PALS2: variants seen among roughly 807,000 people sequenced by gnomAD.
PALS2 encodes protein associated with LIN7 2, MAGUK p55 family member, also known as protein PALS2.
In PALS2, 27 loss-of-function variants were observed where a neutral mutation model predicts 61.6. That is an observed-to-expected ratio of 0.44 (90% CI 0.32 to 0.60). PALS2 has a LOEUF of 0.60. Among genes scored for constraint, PALS2 ranks in the 20% least tolerant of loss-of-function variants. PALS2 has a pLI of 0.05. For missense variants in PALS2, 554 were observed against 639.4 expected (o/e 0.87, Z 1.44); for synonymous variants, 236 against 218.6 (o/e 1.08, Z -0.70).
At chr7:24,662,768 GAAAAAAAAAAA>G (rs59367702) in intron 5 of PALS2, among the ~76,000 whole-genome samples, 6 of 102,614 alleles carry the variant, frequency 5.8e-5, no homozygotes, top group Non-Finnish European at 9.1e-5. Flanking sequence ...GACTCCATCT[GAAAAAAAAAAA>G]AAAAAAAAAA....
At chr7:24,582,888 T>G (rs1370117834) in intron 1 of PALS2, among the ~76,000 whole-genome samples, 1 of 132,172 alleles carries the variant, frequency 7.6e-6, no homozygotes, top group African/African-American at 2.9e-5. Context: ...TCATGCTTTT[T>G]TTTTTTTTTT....
chr7:24,680,696 A>G (rs1280556829), intron 11 of PALS2, among the ~76,000 whole-genome samples, 176 bp downstream of exon 11: 1 of 152,192 alleles, frequency 6.6e-6, no homozygotes. Flanking sequence ...CCCGGGTTCA[A>G]GCGATTCTCC....
chr7:24,591,621 A>C (rs1399912314), intron 1 of PALS2, among the ~76,000 whole-genome samples: 1 of 152,154 alleles, frequency 6.6e-6, no homozygotes, highest in Admixed American at 6.6e-5. Context: ...TATTCAAGAT[A>C]GTTATGGTGT....
At position 24,690,147 on chromosome 7, in the gene PALS2, A is replaced by T. The variant is rs1324167201; in HGVS notation, c.*2533A>T. 1 of 152,226 alleles carries T rather than the reference A, an allele frequency of 6.6e-6. No individual in the cohort carries two copies. Among genetic ancestry groups the T allele is most frequent in the East Asian group, 1.9e-4 (1 of 5,200 alleles). The allele number at this position is 152,226 out of a possible 1,614,324, so 9.4% of individuals were successfully genotyped here. A position where few individuals can be genotyped will look rare whatever the true frequency, so the allele number is the denominator to read the frequency against. ...TGCAGTTTAGTTCATTTCAGTCTAG[A>T]TGCCCGTACTAACAAGAATACAGTT... is the stretch of plus-strand genomic sequence containing the variant. On this transcript the variant is annotated 3_prime_UTR_variant, in exon 12 of 12. Coordinates refer to ENST00000222644, the MANE Select transcript of PALS2 (RefSeq NM_001303037.2).
chr7:24,609,083 A>AC (rs1387458028), intron 1 of PALS2, among the ~76,000 whole-genome samples: 1 of 152,160 alleles, frequency 6.6e-6, no homozygotes, highest in Non-Finnish European at 1.5e-5. Context: ...TATTCTCAGC[A>AC]CCATCTGTTT....
At chr7:24,587,310 T>C (rs1480056893) in intron 1 of PALS2, among the ~76,000 whole-genome samples, 1 of 151,974 alleles carries the variant, frequency 6.6e-6, no homozygotes, top group Non-Finnish European at 1.5e-5. Context: ...TTTTAAATTA[T>C]TAAATTATTA....
chr7:24,684,609 A>G (rs1381300218), intron 11 of PALS2, among the ~76,000 whole-genome samples: 1 of 152,354 alleles, frequency 6.6e-6, no homozygotes, highest in Admixed American at 6.5e-5. Context: ...AAGGGTGTAC[A>G]TTAAACTTAG....
intron 5 of PALS2, among the ~76,000 whole-genome samples, chr7:24,655,037 C>A (rs1045703741): frequency 1.3e-5 from 2 of 152,138 alleles, no homozygotes; most frequent in South Asian, 2.1e-4. Context: ...GTTCAGTAAA[C>A]ATATAAAGAT....
intron 1 of PALS2, among the ~76,000 whole-genome samples, chr7:24,593,593 G>T (rs889666674): frequency 6.6e-6 from 1 of 152,136 alleles, no homozygotes; most frequent in Non-Finnish European, 1.5e-5. Flanking sequence ...AACAGATGTT[G>T]TATTAGCAGG....
chr7:24,591,948 A>G (rs1311423511), intron 1 of PALS2, among the ~76,000 whole-genome samples: 1 of 152,082 alleles, frequency 6.6e-6, no homozygotes, highest in African/African-American at 2.4e-5. Context: ...ATGATTGGGG[A>G]CCATTTTGTG....
intron 2 of PALS2, among the ~76,000 whole-genome samples, chr7:24,638,322 C>CTTTTTTTTTTTTTTTTCTTTTTTTTTTT (rs1785342710): frequency 8.4e-5 from 1 of 11,926 alleles, no homozygotes. Context: ...TCTGTATTTT[C>CTTTTTTTTTTTTTTTTCTTTTTTTTTTT]TTTTTTTTTT....
intron 10 of PALS2, 74 bp from the exon 11 acceptor site, chr7:24,680,318 G>A: frequency 6.9e-7 from 1 of 1,446,326 alleles, no homozygotes; most frequent in Non-Finnish European, 9.6e-7. Flanking sequence ...AACAGCCTTT[G>A]ATATATACTA....
chr7:24,591,198 T>C lies in PALS2; in HGVS notation c.-3+17605T>C, dbSNP rs554538064. On this transcript the variant is annotated intron_variant, in intron 1 of 11. Coordinates refer to ENST00000222644, the MANE Select transcript of PALS2 (RefSeq NM_001303037.2). ...TAATAGTTTTGAGGTATACTATGTC[T>C]ATTAGGACCAACTGACCTTAGGAAA... is the stretch of plus-strand genomic sequence containing the variant. Among the ~76,000 whole-genome samples the C allele has an allele frequency of 9.9e-5, 15 of 152,266 alleles. 1 individual carries two copies. The East Asian group carries it at 2.9e-3, about 29-fold the overall frequency.
rs543372340 is a variant in PALS2 at position 24,685,629 on chromosome 7, T to G, written c.1447-1809T>G. Reference sequence around the variant, plus strand: ...TTCCTGTTCCATCTGTATGGCATACTCCGTTATTGTTAACAGGGTTTTTTT... The same window carrying G: ...TTCCTGTTCCATCTGTATGGCATACGCCGTTATTGTTAACAGGGTTTTTTT... On this transcript the variant is annotated intron_variant, in intron 11 of 11. Coordinates refer to ENST00000222644, the MANE Select transcript of PALS2 (RefSeq NM_001303037.2). Among the ~76,000 whole-genome samples the G allele has an allele frequency of 4.7e-5, 7 of 149,912 alleles. No individual in the cohort carries two copies. The South Asian group carries it at 1.1e-3, about 23-fold the overall frequency.
At chr7:24,663,509 C>T (rs1786848681) in intron 5 of PALS2, 81 bp from the exon 6 acceptor site, 2 of 1,311,134 alleles carry the variant, frequency 1.5e-6, no homozygotes, top group Non-Finnish European at 2.1e-6. Context: ...ACAATTAAAT[C>T]AGAGTGGTTT....
chr7:24,613,608 T>C (rs1784189273), intron 1 of PALS2, among the ~76,000 whole-genome samples: 1 of 151,838 alleles, frequency 6.6e-6, no homozygotes, highest in Non-Finnish European at 1.5e-5. Context: ...CATTCGAATA[T>C]CCTCTCTTCA....
intron 1 of PALS2, among the ~76,000 whole-genome samples, chr7:24,578,584 T>C (rs930569586): frequency 3.9e-5 from 6 of 152,208 alleles, no homozygotes; most frequent in African/African-American, 1.4e-4. Context: ...TCATTCCTTC[T>C]CTTGCTGCAG....
chr7:24,654,756 A>G (rs139315843), intron 5 of PALS2, among the ~76,000 whole-genome samples: 2 of 152,210 alleles, frequency 1.3e-5, no homozygotes, highest in Non-Finnish European at 2.9e-5. Context: ...ACACTTTTGA[A>G]TCAGAAAAGC....
chr7:24,683,140 G>A (rs575711001), intron 11 of PALS2, among the ~76,000 whole-genome samples: 1 of 152,228 alleles, frequency 6.6e-6, no homozygotes, highest in South Asian at 2.1e-4. Flanking sequence ...CTTTGCCTTG[G>A]ATAAATTATA....
Sources: gnomAD v4.1 joint callset for allele counts (sites outside exome capture counted in the v4.1 genomes callset) on GRCh38, gnomAD v4.1.1 for gene constraint, MANE v1.5 for transcripts, NCBI Gene and HGNC (gene_info 2026-07-23, HGNC 2026-07-21) for gene names.